The following EPHB1 variants were observed in gnomAD, a reference collection of about 807,000 sequenced individuals.
The protein encoded by EPHB1 is EPH receptor B1.
A neutral mutation model predicts 94.4 loss-of-function variants in EPHB1; 30 were observed. The ratio of observed to expected loss-of-function variants is 0.32; its 90% CI spans 0.24 to 0.43. The LOEUF (loss-of-function observed/expected upper bound fraction) is 0.43. EPHB1 is among the 20% of genes least tolerant of loss of function. EPHB1 has a pLI of 1.00. For missense variants in EPHB1, 1,055 were observed against 1,308.3 expected (o/e 0.81, Z 2.99); for synonymous variants, 522 against 489.1 (o/e 1.07, Z -0.89).
intron 4 of EPHB1, among the ~76,000 whole-genome samples, chr3:135,110,355 C>T (rs942285922): frequency 2.6e-5 from 4 of 152,068 alleles, no homozygotes; most frequent in Non-Finnish European, 5.9e-5. Flanking sequence ...GCCCACCAGC[C>T]GACCCCTTAG....
At chr3:134,907,644 G>A (rs1264605636) in intron 1 of EPHB1, among the ~76,000 whole-genome samples, 1 of 151,978 alleles carries the variant, frequency 6.6e-6, no homozygotes, top group Admixed American at 6.6e-5. Context: ...AAAAGTGACT[G>A]ACCCCCCTGC....
intron 3 of EPHB1, among the ~76,000 whole-genome samples, chr3:135,046,801 CTG>C (rs1937012477): frequency 1.3e-5 from 2 of 152,206 alleles, no homozygotes; most frequent in African/African-American, 4.8e-5. Context: ...AACCCTTACT[CTG>C]TGAAGTTACT....
At chr3:134,936,577 C>T (rs1039911721) in intron 2 of EPHB1, among the ~76,000 whole-genome samples, 31 of 152,138 alleles carry the variant, frequency 2.0e-4, no homozygotes, top group African/African-American at 6.8e-4. Flanking sequence ...ACGCGCCCCC[C>T]CCTCCATTTG....
At chr3:135,122,580 T>G (rs1940016995) in intron 4 of EPHB1, among the ~76,000 whole-genome samples, 1 of 152,150 alleles carries the variant, frequency 6.6e-6, no homozygotes, top group Non-Finnish European at 1.5e-5. Context: ...TGAGGTGCAC[T>G]GCCTCCCAGG....
chr3:135,251,939 A>T (rs779035730), intron 15 of EPHB1, among the ~76,000 whole-genome samples: 3 of 152,186 alleles, frequency 2.0e-5, no homozygotes, highest in Non-Finnish European at 4.4e-5. Context: ...GTATTTGAAC[A>T]CTAGCTCCAC....
chr3:135,201,451 A>G (rs557888687), intron 11 of EPHB1, 23 bp from the exon 12 acceptor site: 7 of 1,612,612 alleles, frequency 4.3e-6, no homozygotes, highest in Middle Eastern at 1.7e-4. Context: ...CTTGATCCCA[A>G]TGCCCTCTAT....
intron 3 of EPHB1, among the ~76,000 whole-genome samples, chr3:135,009,071 C>T (rs1935527664): frequency 2.0e-5 from 3 of 152,132 alleles, no homozygotes; most frequent in South Asian, 2.1e-4. Context: ...CAGCATAAAC[C>T]CCCATCCCTC....
chr3:134,945,263 G>A (rs62270322), intron 2 of EPHB1, among the ~76,000 whole-genome samples: 1 of 151,940 alleles, frequency 6.6e-6, no homozygotes, highest in Non-Finnish European at 1.5e-5. Context: ...GTATAGAGAT[G>A]AATTTATCAA....
chr3:135,039,412 T>C (rs532089653), intron 3 of EPHB1, among the ~76,000 whole-genome samples: 35 of 152,338 alleles, frequency 2.3e-4, no homozygotes, highest in East Asian at 5.8e-4. Context: ...CTGCCAGTCC[T>C]GCACCGTGCG....
chr3:135,252,222 TTTA>T (rs1016467320), intron 15 of EPHB1, among the ~76,000 whole-genome samples: 99 of 151,874 alleles, frequency 6.5e-4, no homozygotes, highest in African/African-American at 2.2e-3. Context: ...TTATTTATTT[TTTA>T]TTATTATACT....
intron 3 of EPHB1, among the ~76,000 whole-genome samples, chr3:135,047,810 A>AG (rs1937046160): frequency 6.6e-6 from 1 of 152,108 alleles, no homozygotes; most frequent in Admixed American, 6.5e-5. Context: ...CCATGTCTGG[A>AG]GACATTTTGG....
intron 1 of EPHB1, among the ~76,000 whole-genome samples, chr3:134,910,171 G>C (rs1033983347): frequency 6.6e-6 from 1 of 152,160 alleles, no homozygotes; most frequent in Admixed American, 6.5e-5. Context: ...AGTCCCTAAG[G>C]CTGCAAGTAG....
At chr3:135,022,215 C>A (rs1936010092) in intron 3 of EPHB1, among the ~76,000 whole-genome samples, 1 of 152,184 alleles carries the variant, frequency 6.6e-6, no homozygotes, top group African/African-American at 2.4e-5. Flanking sequence ...TGTGATCCCC[C>A]TGCCTCGGCC....
At chr3:135,019,317 G>T (rs1023317950) in intron 3 of EPHB1, among the ~76,000 whole-genome samples, 2 of 152,100 alleles carry the variant, frequency 1.3e-5, no homozygotes, top group African/African-American at 4.8e-5. Flanking sequence ...GTCAAGCAGG[G>T]TGGGGCTTTA....
chr3:135,052,588 G>A (rs761398002), intron 3 of EPHB1, among the ~76,000 whole-genome samples: 20 of 151,624 alleles, frequency 1.3e-4, no homozygotes, highest in South Asian at 4.2e-4. Flanking sequence ...ATGGCCAAGC[G>A]CAGTGGCTCA....
chr3:134,959,116 G>T (rs1001215022), intron 3 of EPHB1, among the ~76,000 whole-genome samples: 2 of 152,290 alleles, frequency 1.3e-5, no homozygotes, highest in East Asian at 3.9e-4. Context: ...TGATGACAGA[G>T]ACATCATATG....
intron 1 of EPHB1, among the ~76,000 whole-genome samples, chr3:134,809,358 GA>G (rs951281340): frequency 3.5e-5 from 4 of 115,766 alleles, no homozygotes; most frequent in African/African-American, 1.3e-4. Context: ...CAGCTAAGCA[GA>G]AAAAGAACAG....
At chr3:135,030,767 C>T (rs557781092) in intron 3 of EPHB1, among the ~76,000 whole-genome samples, 297 of 152,368 alleles carry the variant, frequency 1.9e-3, no homozygotes, top group African/African-American at 6.7e-3. Context: ...TCAAGCTTCC[C>T]TGCTGCTTTG....
chr3:135,222,897 T>C (rs1329055318), intron 12 of EPHB1, among the ~76,000 whole-genome samples: 1 of 152,222 alleles, frequency 6.6e-6, no homozygotes, highest in East Asian at 1.9e-4. Context: ...GTGTTTTTTG[T>C]TAGATGTTGA....
Sources: allele counts gnomAD v4.1 joint callset (sites outside exome capture counted in the v4.1 genomes callset), GRCh38; gene constraint gnomAD v4.1.1; transcripts MANE v1.5; gene names NCBI Gene and HGNC (gene_info 2026-07-23, HGNC 2026-07-21).